SEMA4D: variants seen among roughly 807,000 people sequenced by gnomAD.
The protein encoded by SEMA4D is semaphorin 4D.
A neutral mutation model predicts 74.8 loss-of-function variants in SEMA4D; 22 were observed. The observed-to-expected ratio is 0.29, with a 90% CI of 0.21 to 0.42. SEMA4D has a LOEUF of 0.42. Ranked by LOEUF, SEMA4D falls within the 10% of genes least tolerant of loss-of-function variation. The pLI, the probability that SEMA4D is intolerant of heterozygous loss-of-function variation, is 1.00. For synonymous variants in SEMA4D, 445 were observed against 463.7 expected, an observed-to-expected ratio of 0.96 and a Z score of 0.52; for missense variants, 937 against 1,118.4, an observed-to-expected ratio of 0.84 and a Z score of 2.31.
At chr9:89,391,584 A>T (rs1315588833) in intron 8 of SEMA4D, among the ~76,000 whole-genome samples, 169 bp from the exon 9 acceptor site, 1 of 152,122 alleles carries the variant, frequency 6.6e-6, no homozygotes, top group African/African-American at 2.4e-5. Context: ...GGATCTGAGG[A>T]TGATGACAGC....
chr9:89,388,090 C>T (rs1457842454), intron 11 of SEMA4D, among the ~76,000 whole-genome samples: 3 of 152,162 alleles, frequency 2.0e-5, no homozygotes, highest in South Asian at 2.1e-4. Context: ...ATAGAAGGAG[C>T]CATGATGGTG....
At chr9:89,471,279 G>C (rs762073713) in intron 1 of SEMA4D, among the ~76,000 whole-genome samples, 7 of 152,100 alleles carry the variant, frequency 4.6e-5, no homozygotes, top group Admixed American at 6.5e-5. Context: ...AGGAGATGGA[G>C]GGTGGTGATG....
chr9:89,474,217 T>C (rs1407698402), intron 1 of SEMA4D, among the ~76,000 whole-genome samples: 1 of 152,188 alleles, frequency 6.6e-6, no homozygotes, highest in Non-Finnish European at 1.5e-5. Flanking sequence ...TCTAGACACC[T>C]GGCACCAATA....
chr9:89,365,800 A>G (rs1833553580), intron 16 of SEMA4D: 1 of 152,260 alleles, frequency 6.6e-6, no homozygotes, highest in Non-Finnish European at 1.5e-5. Context: ...AGTAGTGGCC[A>G]GAGAGCTTTC....
chr9:89,396,313 C>T (rs1840947680), intron 6 of SEMA4D, among the ~76,000 whole-genome samples: 2 of 152,200 alleles, frequency 1.3e-5, no homozygotes, highest in African/African-American at 4.8e-5. Context: ...ACCCAGATGC[C>T]CAGAGCTGCC....
At chr9:89,458,863 C>T (rs1252509039) in intron 1 of SEMA4D, among the ~76,000 whole-genome samples, 1 of 137,024 alleles carries the variant, frequency 7.3e-6, no homozygotes, top group East Asian at 3.8e-4. Context: ...GATACACATA[C>T]ACACAAACAC....
At chr9:89,372,667 A>T (rs1318476053), downstream of SEMA4D, among the ~76,000 whole-genome samples, 1 of 151,892 alleles carries the variant, frequency 6.6e-6, no homozygotes, top group East Asian at 1.9e-4. Flanking sequence ...GTCCCCCAGG[A>T]CTCAGGATCA....
intron 1 of SEMA4D, among the ~76,000 whole-genome samples, chr9:89,457,307 T>C (rs1325598257): frequency 6.6e-6 from 1 of 152,106 alleles, no homozygotes; most frequent in Non-Finnish European, 1.5e-5. Flanking sequence ...ACATTCCAAT[T>C]GGACACAAAG....
At chr9:89,467,747 G>A (rs1859133627) in intron 1 of SEMA4D, among the ~76,000 whole-genome samples, 1 of 152,048 alleles carries the variant, frequency 6.6e-6, no homozygotes, top group Admixed American at 6.6e-5. Flanking sequence ...GGTCAGGCTG[G>A]TCTTGAACTT....
At chr9:89,483,514 A>G (rs1277925157) in intron 1 of SEMA4D, among the ~76,000 whole-genome samples, 2 of 152,254 alleles carry the variant, frequency 1.3e-5, no homozygotes, top group African/African-American at 4.8e-5. Flanking sequence ...AAATAAGATA[A>G]TAATACATAG....
intron 1 of SEMA4D, among the ~76,000 whole-genome samples, chr9:89,465,776 C>T (rs1247514388): frequency 2.0e-5 from 3 of 152,220 alleles, no homozygotes; most frequent in Admixed American, 6.5e-5. Flanking sequence ...GCATTGCCTT[C>T]GGATATCTAT....
chr9:89,380,916 G>T, intron 15 of SEMA4D, 139 bp downstream of exon 15: 1 of 1,015,222 alleles, frequency 9.9e-7, no homozygotes, highest in Non-Finnish European at 1.5e-6. Flanking sequence ...CCACGAGTCT[G>T]CTACAGAACA....
rs974979918 is a variant in SEMA4D at position 89,362,529 on chromosome 9, A to G, written c.2191-101T>C. 8.1e-6 allele frequency: 13 copies of G among 1,597,574 alleles called. No individual in the cohort carries two copies. The African/African-American group carries it at 1.6e-4, about 20-fold the overall frequency. On this transcript the variant is annotated intron_variant, in intron 18 of 18. Coordinates refer to the SEMA4D transcript ENST00000339861. ...ATAGCCCATCCCAGGCAGAGCACTC[A>G]AGGCCTCAGCCCCCTGTTGTGGTTC...
At chr9:89,362,152 A>AACTT in exon 19 of SEMA4D, 1 of 600,034 alleles carries the variant, frequency 1.7e-6, no homozygotes, top group South Asian at 2.0e-5. Flanking sequence ...TGCCAGACAG[A>AACTT]ACTTACTGTC....
At chr9:89,482,379 G>A (rs10908930) in intron 1 of SEMA4D, among the ~76,000 whole-genome samples, 16,548 of 152,240 alleles carry the variant, frequency 0.11, 988 homozygotes, top group Middle Eastern at 0.16. Context: ...AGAACAGCAC[G>A]GGCCACACTC....
At chr9:89,430,093 T>G (rs760353726) in intron 2 of SEMA4D, among the ~76,000 whole-genome samples, 1 of 151,966 alleles carries the variant, frequency 6.6e-6, no homozygotes, top group African/African-American at 2.4e-5. Flanking sequence ...CAGGCTGGGA[T>G]GGCAAGTCAT....
downstream of SEMA4D, among the ~76,000 whole-genome samples, chr9:89,372,719 A>C (rs1835284732): frequency 6.6e-6 from 1 of 151,994 alleles, no homozygotes; most frequent in Admixed American, 6.5e-5. Flanking sequence ...AAGGCAGTGC[A>C]GTCCTGACCT....
chr9:89,403,793 G>A (rs541891019), intron 3 of SEMA4D, among the ~76,000 whole-genome samples: 3 of 152,312 alleles, frequency 2.0e-5, no homozygotes, highest in Non-Finnish European at 2.9e-5. Context: ...GCCAGGTGTG[G>A]TGGCGGGCGC....
At chr9:89,373,395 T>C (rs551368201), downstream of SEMA4D, among the ~76,000 whole-genome samples, 327 of 152,150 alleles carry the variant, frequency 2.1e-3, no homozygotes, top group African/African-American at 7.4e-3. Context: ...GGTGGGGACA[T>C]CTCCTGGGTG....
Sources: gnomAD v4.1 joint callset for allele counts (sites outside exome capture counted in the v4.1 genomes callset) on GRCh38, gnomAD v4.1.1 for gene constraint, MANE v1.5 for transcripts, NCBI Gene and HGNC (gene_info 2026-07-23, HGNC 2026-07-21) for gene names.